Variants in DTNBP1 observed in about 807,000 individuals in gnomAD.
The protein encoded by DTNBP1 is dysbindin.
Under a neutral mutation model 42.8 loss-of-function variants are expected in DTNBP1, and 35 were observed. That is an observed-to-expected ratio of 0.82 (90% CI 0.63 to 1.09). DTNBP1 has a LOEUF of 1.09. DTNBP1 is among the 50% of genes least tolerant of loss of function. The probability of loss-of-function intolerance (pLI) is 0.00; values close to 1 mark genes in which losing one functional copy is unlikely to be tolerated. For missense variants in DTNBP1, 457 were observed against 424.2 expected (o/e 1.08, Z -0.68); for synonymous variants, 171 against 162.2 (o/e 1.05, Z -0.41).
intron 1 of DTNBP1, chr6:15,660,426 G>T: frequency 7.8e-7 from 1 of 1,289,720 alleles, no homozygotes; most frequent in Non-Finnish European, 1.0e-6. Context: ...GGGTCTACTG[G>T]GAGACTGACA....
At chr6:15,635,330 G>A (rs908858025) in intron 4 of DTNBP1, among the ~76,000 whole-genome samples, 2 of 152,000 alleles carry the variant, frequency 1.3e-5, no homozygotes, top group Admixed American at 1.3e-4. Flanking sequence ...TGTTGGCCAG[G>A]CTGGTCTCAA....
intron 3 of DTNBP1, among the ~76,000 whole-genome samples, chr6:15,645,782 A>T (rs1760645798): frequency 1.3e-5 from 2 of 152,066 alleles, no homozygotes; most frequent in South Asian, 4.1e-4. Flanking sequence ...TCAAAGGAAC[A>T]TACCTGAAAA....
At chr6:15,584,964 T>TTTATATATA (rs906812851) in intron 7 of DTNBP1, among the ~76,000 whole-genome samples, 10 of 147,642 alleles carry the variant, frequency 6.8e-5, no homozygotes, top group Admixed American at 4.8e-4. Flanking sequence ...TATATATGTA[T>TTTATATATA]TTATATATAT....
intron 1 of DTNBP1, among the ~76,000 whole-genome samples, chr6:15,661,298 G>A (rs907165580): frequency 1.4e-5 from 2 of 143,280 alleles, no homozygotes; most frequent in African/African-American, 2.6e-5. Flanking sequence ...AGGCTGCAGC[G>A]AGCTATAATA....
intron 1 of DTNBP1, among the ~76,000 whole-genome samples, chr6:15,655,783 A>T (rs1173742160): frequency 1.3e-5 from 2 of 152,234 alleles, no homozygotes; most frequent in African/African-American, 4.8e-5. Context: ...TTAAGAAAGT[A>T]ACAAAAAGCC....
intron 7 of DTNBP1, among the ~76,000 whole-genome samples, chr6:15,539,544 G>A (rs1452222892): frequency 6.6e-6 from 1 of 152,218 alleles, no homozygotes; most frequent in Non-Finnish European, 1.5e-5. Context: ...TCTGGTCAGA[G>A]TATTCTCTGA....
chr6:15,561,148 T>C (rs1774821102), intron 7 of DTNBP1, among the ~76,000 whole-genome samples: 1 of 152,156 alleles, frequency 6.6e-6, no homozygotes, highest in Admixed American at 6.5e-5. Context: ...CTTATTCCTG[T>C]GAACCAACCA....
chr6:15,633,371 C>T (rs992994155), intron 4 of DTNBP1, among the ~76,000 whole-genome samples: 5 of 152,126 alleles, frequency 3.3e-5, no homozygotes, highest in Non-Finnish European at 7.4e-5. Context: ...ATTCTAGATG[C>T]CATCACACAA....
At chr6:15,638,252 C>A (rs1402219552) in intron 3 of DTNBP1, among the ~76,000 whole-genome samples, 1 of 152,012 alleles carries the variant, frequency 6.6e-6, no homozygotes, top group Non-Finnish European at 1.5e-5. Flanking sequence ...CTCAGCCTCC[C>A]GAGTAGCTGG....
intron 6 of DTNBP1, among the ~76,000 whole-genome samples, chr6:15,598,767 T>C (rs182143462): frequency 2.8e-4 from 43 of 152,302 alleles, no homozygotes; most frequent in South Asian, 2.3e-3. Flanking sequence ...GGACTCTCTA[T>C]ACCTTAAAAG....
At chr6:15,523,508 C>A (rs1772073887) in intron 9 of DTNBP1, 1 of 1,278,044 alleles carries the variant, frequency 7.8e-7, no homozygotes. Context: ...GGCCCAAAGG[C>A]AAGTGCTGCC....
chr6:15,522,893 A>T lies in DTNBP1; in HGVS notation c.*82T>A. The T allele has an allele frequency of 3.1e-6, 5 of 1,612,950 alleles. No homozygotes were observed. The highest frequency in any genetic ancestry group is 4.2e-6 in the Non-Finnish European group (5 of 1,179,654). On this transcript the variant is annotated 3_prime_UTR_variant, in exon 10 of 10. Coordinates refer to ENST00000344537, the MANE Select transcript of DTNBP1 (RefSeq NM_032122.5). Reference sequence around the variant, plus strand: ...TATGTAAAAATCAAGAACCTCTATAAAACAACCTGGCTTTCCAGGTGGAAT... The same window carrying T: ...TATGTAAAAATCAAGAACCTCTATATAACAACCTGGCTTTCCAGGTGGAAT...
intron 1 of DTNBP1, among the ~76,000 whole-genome samples, chr6:15,657,000 A>G (rs1761322292): frequency 6.6e-6 from 1 of 152,210 alleles, no homozygotes; most frequent in African/African-American, 2.4e-5. Context: ...ACATTTTCAC[A>G]TCAGTGTTCA....
chr6:15,626,520 A>C (rs1445833395), intron 5 of DTNBP1, among the ~76,000 whole-genome samples: 1 of 152,236 alleles, frequency 6.6e-6, no homozygotes, highest in African/African-American at 2.4e-5. Flanking sequence ...ACAGGTTATT[A>C]GCTCATACAG....
intron 4 of DTNBP1, among the ~76,000 whole-genome samples, chr6:15,632,644 G>C (rs1456404084): frequency 6.6e-6 from 1 of 152,188 alleles, no homozygotes; most frequent in Non-Finnish European, 1.5e-5. Flanking sequence ...TCAGGACAAA[G>C]AAGCTGTCTT....
At chr6:15,661,815 C>T (rs530185611) in intron 1 of DTNBP1, among the ~76,000 whole-genome samples, 7 of 152,334 alleles carry the variant, frequency 4.6e-5, no homozygotes, top group African/African-American at 1.7e-4. Context: ...CACTAAGTAA[C>T]AATACTGACA....
At chr6:15,613,463 T>C (rs1418944074) in intron 6 of DTNBP1, among the ~76,000 whole-genome samples, 3 of 137,554 alleles carry the variant, frequency 2.2e-5, no homozygotes, top group African/African-American at 8.1e-5. Context: ...GCCTCCCGGG[T>C]TCATGCCATT....
chr6:15,607,513 G>A (rs1270899079), intron 6 of DTNBP1, among the ~76,000 whole-genome samples: 11 of 152,030 alleles, frequency 7.2e-5, no homozygotes, highest in Admixed American at 6.6e-4. Context: ...TGTTGGCCAG[G>A]CTGGTCTCAA....
At chr6:15,538,417 GC>G (rs1020995334) in intron 7 of DTNBP1, among the ~76,000 whole-genome samples, 4 of 152,156 alleles carry the variant, frequency 2.6e-5, no homozygotes, top group Admixed American at 6.5e-5. Context: ...GACCTGAAGG[GC>G]CCTCACACAG....
Sources: gnomAD v4.1 joint callset for allele counts (sites outside exome capture counted in the v4.1 genomes callset) on GRCh38, gnomAD v4.1.1 for gene constraint, MANE v1.5 for transcripts, NCBI Gene and HGNC (gene_info 2026-07-23, HGNC 2026-07-21) for gene names.